TBCB: variants seen among roughly 807,000 people sequenced by gnomAD.
TBCB encodes tubulin folding cofactor B, also known as tubulin-folding cofactor B.
Under a neutral mutation model 29.2 loss-of-function variants are expected in TBCB, and 18 were observed. The observed-to-expected ratio is 0.62, with a 90% CI of 0.43 to 0.91. The LOEUF (loss-of-function observed/expected upper bound fraction) is 0.91, where lower values mean the gene tolerates loss of function less well. Among genes scored for constraint, TBCB ranks in the 40% least tolerant of loss-of-function variants. TBCB has a pLI of 0.00. For synonymous variants in TBCB, 172 were observed against 137.8 expected (o/e 1.25, Z -1.74); for missense variants, 336 against 337.6 (o/e 1.00, Z 0.04).
chr19:36,116,312 C>A, intron 2 of TBCB, 128 bp downstream of exon 2: 1 of 1,269,318 alleles, frequency 7.9e-7, no homozygotes, highest in Non-Finnish European at 1.1e-6. Context: ...TCCAGTGCAG[C>A]CTGACGAGAG....
At chr19:36,123,331 G>A (rs1353544870) in intron 4 of TBCB, among the ~76,000 whole-genome samples, 4 of 147,456 alleles carry the variant, frequency 2.7e-5, no homozygotes, top group Admixed American at 1.4e-4. Context: ...GCACAATCTC[G>A]GCCATTTCAG....
chr19:36,124,483 C>A (rs941153247), intron 4 of TBCB, among the ~76,000 whole-genome samples: 1 of 152,094 alleles, frequency 6.6e-6, no homozygotes, highest in African/African-American at 2.4e-5. Context: ...GGTGGATCTC[C>A]CAAAGTGCTA....
rs1192563262 is a variant in TBCB at position 36,125,885 on chromosome 19, A to AT, written c.*109dup. 1.0e-5 allele frequency: 9 copies of AT among 857,682 alleles called. No homozygotes were observed. Among genetic ancestry groups the AT allele is most frequent in the Non-Finnish European group, 1.5e-5 (9 of 596,992 alleles). The allele number at this position is 857,682 out of a possible 1,614,324, so 53.1% of individuals were successfully genotyped here. ...TCCTGACCCCATTTTAATTTTATTCATTTTTTCCTTTGCCATTGATTTTTG... is the reference window on the plus strand; with the variant it reads ...TCCTGACCCCATTTTAATTTTATTCATTTTTTTCCTTTGCCATTGATTTTTG... On this transcript the variant is annotated 3_prime_UTR_variant, in exon 6 of 6. Transcript: ENST00000221855.
intron 2 of TBCB, among the ~76,000 whole-genome samples, chr19:36,117,255 G>C (rs1314776099): frequency 6.6e-6 from 1 of 152,168 alleles, no homozygotes; most frequent in Admixed American, 6.5e-5. Flanking sequence ...AGTGCCCTGA[G>C]GGTGGAAATT....
At position 36,121,591 on chromosome 19, in the gene TBCB, GCAGGA is replaced by G; in HGVS notation, c.421_425del (p.Gln141GlyfsTer24). 1 of 1,555,880 alleles carries G rather than the reference GCAGGA, an allele frequency of 6.4e-7. No individual in the cohort carries two copies. Among genetic ancestry groups the G allele is most frequent in the Non-Finnish European group, 8.7e-7 (1 of 1,151,368 alleles). ...GGTACAACGAGGAGGAGCGGGCTCA[GCAGGA>G]GGCCGAGGCCGCCCAGCGCCTGGCC... On this transcript the variant is annotated frameshift_variant, in exon 4 of 6. Transcript: ENST00000221855. LOFTEE classifies it high-confidence loss of function.
intron 4 of TBCB, among the ~76,000 whole-genome samples, chr19:36,124,701 A>C (rs937903358): frequency 5.3e-5 from 8 of 151,732 alleles, no homozygotes; most frequent in Non-Finnish European, 1.0e-4. Context: ...CCGCCACCAC[A>C]CCCGGCTAAT....
Position 36,115,692 on chromosome 19 carries a change from G to T in TBCB, c.114+18G>T, listed in dbSNP as rs777890736. On this transcript the variant is annotated intron_variant, in intron 1 of 5. Coordinates refer to ENST00000221855, the MANE Select transcript of TBCB (RefSeq NM_001281.3). ...AGTTCAAGGTGTGGCCATGGGGGCGGGGTCCGGAGGGGCGGGGCGAAGAAA... is the reference window on the plus strand; with the variant it reads ...AGTTCAAGGTGTGGCCATGGGGGCGTGGTCCGGAGGGGCGGGGCGAAGAAA... 2 of 1,555,264 alleles carry T rather than the reference G, an allele frequency of 1.3e-6. No individual in the cohort carries two copies. The highest frequency in any genetic ancestry group is 2.4e-5 in the East Asian group (1 of 41,918).
chr19:36,115,315 G>A (rs1202496018), upstream of TBCB: 7 of 551,762 alleles, frequency 1.3e-5, no homozygotes, highest in Non-Finnish European at 2.2e-5. Flanking sequence ...GCTATTGGAA[G>A]AACCGTGAAC....
In TBCB at chr19:36,116,086, C is replaced by G. The variant is rs1266000696; in HGVS notation, c.160C>G (p.Leu54Val). 6.2e-7 allele frequency: 1 copy of G among 1,614,082 alleles called. No homozygotes were observed. Among genetic ancestry groups the G allele is most frequent in the Non-Finnish European group, 8.5e-7 (1 of 1,180,040 alleles). The change falls in exon 2 of 6, where the codon CTG (leucine) becomes GTG (valine). Residue 54 changes from leucine (L) to valine (V), a missense_variant. By Grantham distance (32) the Leu-to-Val change is conservative (BLOSUM62 1). Transcript: ENST00000221855. ...LVGSPASCME[L>V]ELYGVDDKFY... ...GGGCAGCCCTGCTTCCTGCATGGAA[C>G]TGGAGCTGTATGGAGTTGACGACAA... is the stretch of plus-strand genomic sequence containing the variant.
upstream of TBCB, chr19:36,115,434 G>A (rs866110670): frequency 1.5e-6 from 1 of 684,026 alleles, no homozygotes; most frequent in Non-Finnish European, 2.5e-6. Context: ...TGGCAGGAGA[G>A]CGCGGATTGG....
At chr19:36,123,394 G>A (rs1974089494) in intron 4 of TBCB, among the ~76,000 whole-genome samples, 1 of 151,904 alleles carries the variant, frequency 6.6e-6, no homozygotes, top group African/African-American at 2.4e-5. Context: ...CTGAGTAGCT[G>A]GGAATACAGG....
chr19:36,120,742 G>A lies in TBCB; in HGVS notation c.291G>A (p.Glu97=), dbSNP rs376057216. ...ACCACAGTGGCGCCCGCCTTGGTGA[G>A]TATGAGGACGTGTCCCGGGTGGAGA... is the stretch of plus-strand genomic sequence containing the variant. ...VIDHSGARLG[E]YEDVSRVEKY... is the part of the protein sequence containing the mutation. The change falls in exon 3 of 6, where the codon GAG becomes GAA. Residue 97 remains glutamate, a synonymous_variant. Coordinates refer to ENST00000221855, the MANE Select transcript of TBCB (RefSeq NM_001281.3). 5.0e-6 allele frequency: 8 copies of A among 1,614,032 alleles called. No individual in the cohort carries two copies. In the African/African-American group the frequency reaches 8.0e-5, roughly 16 times the overall value.
chr19:36,119,144 A>G (rs1974003685), intron 2 of TBCB, among the ~76,000 whole-genome samples: 1 of 152,246 alleles, frequency 6.6e-6, no homozygotes, highest in Admixed American at 6.5e-5. Context: ...AAGGTGTTCC[A>G]GAGTGGAGCC....
At chr19:36,116,336 T>C (rs1448619880) in intron 2 of TBCB, 152 bp downstream of exon 2, 2 of 1,047,988 alleles carry the variant, frequency 1.9e-6, no homozygotes, top group Non-Finnish European at 2.7e-6. Context: ...GACCCATCAT[T>C]AGACAGGGAC....
intron 2 of TBCB, chr19:36,116,432 CAG>C: frequency 2.3e-6 from 1 of 428,568 alleles, no homozygotes; most frequent in Non-Finnish European, 4.2e-6. Flanking sequence ...CTGGGAGAAT[CAG>C]AGAGGGCTTC....
chr19:36,124,420 C>T (rs1383461675), intron 4 of TBCB, among the ~76,000 whole-genome samples: 4 of 151,904 alleles, frequency 2.6e-5, no homozygotes, highest in Admixed American at 6.6e-5. Flanking sequence ...AGGGTTTTGC[C>T]ATGTTGGCCA....
chr19:36,116,031 C>T lies in TBCB; in HGVS notation c.115-10C>T. 1.2e-6 allele frequency: 2 copies of T among 1,612,072 alleles called. No individual in the cohort carries two copies. Among genetic ancestry groups the T allele is most frequent in the South Asian group, 1.1e-5 (1 of 91,032 alleles). On this transcript the variant is annotated splice_polypyrimidine_tract_variant and intron_variant, in intron 1 of 5. Transcript: ENST00000221855. ...GGCCTCCTTCTTCTCACCCTGCCTC[C>T]TCCTCACAGTGTAAACTGGAGTTGC...
intron 2 of TBCB, among the ~76,000 whole-genome samples, chr19:36,117,414 A>T (rs760716904): frequency 6.6e-6 from 1 of 152,080 alleles, no homozygotes; most frequent in African/African-American, 2.4e-5. Context: ...GTGTGATCTC[A>T]GCTCACTGCA....
Position 36,115,544 on chromosome 19 carries a change from C to A in TBCB, c.-17C>A. ...GGCGGCTGGACCGCGCTGCAGGCAT[C>A]CGCAGGGCGCGGCAAGATGGAGGTG... On this transcript the variant is annotated 5_prime_UTR_variant, in exon 1 of 6. Coordinates refer to ENST00000221855, the MANE Select transcript of TBCB (RefSeq NM_001281.3). The A allele has an allele frequency of 1.3e-6, 2 of 1,585,840 alleles. No individual in the cohort carries two copies. The highest frequency in any genetic ancestry group is 1.7e-6 in the Non-Finnish European group (2 of 1,165,662).
Sources: gnomAD v4.1 joint callset for allele counts (sites outside exome capture counted in the v4.1 genomes callset) on GRCh38, gnomAD v4.1.1 for gene constraint, MANE v1.5 for transcripts, NCBI Gene and HGNC (gene_info 2026-07-23, HGNC 2026-07-21) for gene names.